Variants in GREB1L observed in about 807,000 individuals in gnomAD.
GREB1L encodes GREB1-like protein.
A neutral mutation model predicts 200.8 loss-of-function variants in GREB1L; 17 were observed. That is an observed-to-expected ratio of 0.08 (90% CI 0.06 to 0.13). The LOEUF (loss-of-function observed/expected upper bound fraction) is 0.13, where lower values mean the gene tolerates loss of function less well. Ranked by LOEUF, GREB1L falls within the 10% of genes least tolerant of loss-of-function variation. The pLI, the probability that GREB1L is intolerant of heterozygous loss-of-function variation, is 1.00. For missense variants in GREB1L, 1,657 were observed against 2,367.7 expected (o/e 0.70, Z 6.23); for synonymous variants, 789 against 893.0 (o/e 0.88, Z 2.08).
chr18:21,396,089 G>T (rs1196869583), intron 5 of GREB1L, among the ~76,000 whole-genome samples: 1 of 149,378 alleles, frequency 6.7e-6, no homozygotes, highest in Non-Finnish European at 1.5e-5. Context: ...TTGTCACCCA[G>T]GCTGGAGTGC....
In GREB1L at chr18:21,488,806, G is replaced by A. The variant is rs184787302; in HGVS notation, c.2691-1206G>A. ...CAAGTAGCTGGGATTACAGGCGCCCGCCACCACACCCAGCTAATTTTTATA... is the reference window on the plus strand; with the variant it reads ...CAAGTAGCTGGGATTACAGGCGCCCACCACCACACCCAGCTAATTTTTATA... On this transcript the variant is annotated intron_variant, in intron 18 of 32. Transcript: ENST00000424526. 3.8e-3 allele frequency among the ~76,000 whole-genome samples: 583 copies of A among 152,042 alleles called. 5 individuals are homozygous for A. The highest frequency in any genetic ancestry group is 6.8e-3 in the Middle Eastern group (2 of 292).
chr18:21,303,920 T>G (rs2038658703), intron 1 of GREB1L, among the ~76,000 whole-genome samples: 1 of 152,224 alleles, frequency 6.6e-6, no homozygotes, highest in African/African-American at 2.4e-5. Flanking sequence ...AAGCTGACAC[T>G]GTGTTGGGGA....
At chr18:21,519,177 TAAA>T (rs777285107) in intron 31 of GREB1L, among the ~76,000 whole-genome samples, 13 of 152,156 alleles carry the variant, frequency 8.5e-5, no homozygotes, top group Non-Finnish European at 1.8e-4. Context: ...CCATCAGATA[TAAA>T]GGCCAGGCAT....
At chr18:21,301,406 G>A in intron 1 of GREB1L, among the ~76,000 whole-genome samples, 1 of 152,128 alleles carries the variant, frequency 6.6e-6, no homozygotes, top group Non-Finnish European at 1.5e-5. Context: ...TCTCTGAGAG[G>A]CTTTCATGGA....
chr18:21,297,290 C>T (rs2038545211), intron 1 of GREB1L, among the ~76,000 whole-genome samples: 1 of 152,164 alleles, frequency 6.6e-6, no homozygotes, highest in African/African-American at 2.4e-5. Context: ...CTGGGCTGGG[C>T]ATGAATTACA....
intron 1 of GREB1L, among the ~76,000 whole-genome samples, chr18:21,310,534 G>A (rs1342538546): frequency 6.6e-6 from 1 of 152,132 alleles, no homozygotes; most frequent in Non-Finnish European, 1.5e-5. Flanking sequence ...AACATGTCAT[G>A]TAGCCTCTGG....
At chr18:21,303,741 CTATTAAA>C (rs2038655760) in intron 1 of GREB1L, among the ~76,000 whole-genome samples, 1 of 152,152 alleles carries the variant, frequency 6.6e-6, no homozygotes, top group Non-Finnish European at 1.5e-5. Context: ...ATTTGCATGT[CTATTAAA>C]TTTAACACGT....
At chr18:21,474,928 G>A (rs1165520505) in intron 16 of GREB1L, among the ~76,000 whole-genome samples, 3 of 152,100 alleles carry the variant, frequency 2.0e-5, no homozygotes, top group Non-Finnish European at 4.4e-5. Context: ...AGACCAGCAT[G>A]GGAAAGACCC....
intron 25 of GREB1L, among the ~76,000 whole-genome samples, chr18:21,506,781 A>T (rs1007348181): frequency 1.1e-4 from 17 of 152,236 alleles, no homozygotes; most frequent in African/African-American, 3.9e-4. Context: ...ACTGAGACAT[A>T]GGAATGAAGA....
chr18:21,268,560 C>CACACATATATATATAT (rs1204514384), intron 1 of GREB1L, among the ~76,000 whole-genome samples: 4 of 63,532 alleles, frequency 6.3e-5, no homozygotes, highest in African/African-American at 1.5e-4. Context: ...CACACACACA[C>CACACATATATATATAT]ATATATATAT....
intron 17 of GREB1L, among the ~76,000 whole-genome samples, chr18:21,482,546 A>G (rs1157477626): frequency 6.6e-6 from 1 of 151,828 alleles, no homozygotes; most frequent in African/African-American, 2.4e-5. Flanking sequence ...GGCGTGAGCC[A>G]CCGCGCCTGG....
intron 17 of GREB1L, 187 bp from the exon 18 acceptor site, chr18:21,485,433 G>A (rs570184988): frequency 1.8e-4 from 79 of 435,516 alleles, no homozygotes; most frequent in Non-Finnish European, 3.1e-4. Flanking sequence ...GAAATTAAAA[G>A]AAGTTTCACT....
chr18:21,505,143 T>C (rs1171787570), intron 23 of GREB1L, among the ~76,000 whole-genome samples: 1 of 152,146 alleles, frequency 6.6e-6, no homozygotes, highest in Non-Finnish European at 1.5e-5. Flanking sequence ...TTAAGGAAAT[T>C]TGGCCTGGTG....
At chr18:21,502,335 G>T (rs2036832032) in intron 23 of GREB1L, among the ~76,000 whole-genome samples, 1 of 152,068 alleles carries the variant, frequency 6.6e-6, no homozygotes, top group African/African-American at 2.4e-5. Context: ...TGCTGGCAGG[G>T]AACTGTGGGG....
At chr18:21,485,500 T>G in intron 17 of GREB1L, 120 bp from the exon 18 acceptor site, 2 of 843,816 alleles carry the variant, frequency 2.4e-6, no homozygotes, top group Non-Finnish European at 3.5e-6. Flanking sequence ...AAACAGTATT[T>G]TTTCTTACTT....
intron 18 of GREB1L, among the ~76,000 whole-genome samples, chr18:21,489,106 A>C (rs1425062531): frequency 6.6e-6 from 1 of 152,120 alleles, no homozygotes; most frequent in Non-Finnish European, 1.5e-5. Context: ...TCATTTTGTC[A>C]TCAGGCCTGG....
chr18:21,452,050 C>G lies in GREB1L; in HGVS notation c.1850-33C>G, dbSNP rs1034708718. The G allele has an allele frequency of 7.1e-6, 11 of 1,546,902 alleles. No homozygotes were observed. In the Admixed American group the frequency reaches 1.0e-4, roughly 14 times the overall value. On this transcript the variant is annotated intron_variant, in intron 13 of 32. Transcript: ENST00000424526. ...ATAAAAATGAAACAAACATATCCTT[C>G]CTTGTAACCTTCTTATCTCTATTTT...
intron 1 of GREB1L, among the ~76,000 whole-genome samples, chr18:21,247,262 A>G (rs1337668677): frequency 6.6e-6 from 1 of 152,152 alleles, no homozygotes; most frequent in African/African-American, 2.4e-5. Flanking sequence ...TGACCTGCCT[A>G]TGATGTAGAG....
At chr18:21,405,012 G>T (rs2030004989) in intron 7 of GREB1L, among the ~76,000 whole-genome samples, 1 of 152,192 alleles carries the variant, frequency 6.6e-6, no homozygotes, top group South Asian at 2.1e-4. Context: ...GTGATTATTA[G>T]AATATGTTAG....
Sources: allele counts gnomAD v4.1 joint callset (sites outside exome capture counted in the v4.1 genomes callset), GRCh38; gene constraint gnomAD v4.1.1; transcripts MANE v1.5; gene names NCBI Gene and HGNC (gene_info 2026-07-23, HGNC 2026-07-21).